GPM6A: variants seen among roughly 807,000 people sequenced by gnomAD.
GPM6A encodes neuronal membrane glycoprotein M6-a.
In GPM6A, 7 loss-of-function variants were observed where a neutral mutation model predicts 32.1. The ratio of observed to expected loss-of-function variants is 0.22; its 90% CI spans 0.12 to 0.41. The LOEUF (loss-of-function observed/expected upper bound fraction) is 0.41, where lower values mean the gene tolerates loss of function less well. Among genes scored for constraint, GPM6A ranks in the 10% least tolerant of loss-of-function variants. The probability of loss-of-function intolerance (pLI) is 1.00; values close to 1 mark genes in which losing one functional copy is unlikely to be tolerated. For missense variants in GPM6A, 235 were observed against 347.2 expected (o/e 0.68, Z 2.57); for synonymous variants, 130 against 123.4 (o/e 1.05, Z -0.35).
chr4:175,939,984 C>T (rs1739355465), intron 1 of GPM6A, among the ~76,000 whole-genome samples: 1 of 151,914 alleles, frequency 6.6e-6, no homozygotes, highest in South Asian at 2.1e-4. Context: ...TCTTAACATG[C>T]CAGTTAAGGA....
intron 1 of GPM6A, among the ~76,000 whole-genome samples, chr4:175,858,669 T>G (rs1736487838): frequency 6.6e-6 from 1 of 152,138 alleles, no homozygotes; most frequent in African/African-American, 2.4e-5. Flanking sequence ...TTTAGGAAAT[T>G]TATTGAAACT....
intron 6 of GPM6A, among the ~76,000 whole-genome samples, chr4:175,637,156 T>C (rs1346830138): frequency 3.0e-5 from 3 of 98,362 alleles, no homozygotes; most frequent in Non-Finnish European, 5.6e-5. Flanking sequence ...ATATTATATG[T>C]CACATATAAT....
At chr4:175,687,655 C>G (rs139052383) in intron 2 of GPM6A, among the ~76,000 whole-genome samples, 183 of 152,166 alleles carry the variant, frequency 1.2e-3, no homozygotes, top group African/African-American at 4.1e-3. Flanking sequence ...TGTATCTCTT[C>G]AAGATCCTGA....
chr4:175,719,202 ACT>A (rs1491516119), intron 1 of GPM6A, among the ~76,000 whole-genome samples: 2 of 117,792 alleles, frequency 1.7e-5, no homozygotes, highest in Non-Finnish European at 3.9e-5. Flanking sequence ...GTATAACACA[ACT>A]TTTTTTTTTT....
intron 1 of GPM6A, among the ~76,000 whole-genome samples, chr4:175,729,439 C>T (rs1174790646): frequency 6.6e-6 from 1 of 152,040 alleles, no homozygotes; most frequent in Admixed American, 6.6e-5. Flanking sequence ...TCACTATTGA[C>T]AAGTGGGAAG....
rs577732904 is a variant in GPM6A at position 175,919,427 on chromosome 4, T to C, written c.-23+82882A>G. 5.3e-5 allele frequency among the ~76,000 whole-genome samples: 8 copies of C among 152,246 alleles called. No individual in the cohort carries two copies. In the East Asian group the frequency reaches 1.5e-3, roughly 29 times the overall value. On this transcript the variant is annotated intron_variant, in intron 1 of 7. Coordinates refer to the GPM6A transcript ENST00000280187. The stretch of plus-strand genomic sequence containing the variant: ...AGAAGCTTAAAGAGCTTTTGACACT[T>C]TTACATAAACATTTCTAACTTAAAA...
At chr4:175,917,145 T>G (rs1374874416) in intron 1 of GPM6A, among the ~76,000 whole-genome samples, 9 of 152,144 alleles carry the variant, frequency 5.9e-5, no homozygotes, top group Non-Finnish European at 1.0e-4. Context: ...GTCACTGGCC[T>G]TGCTACCTTT....
intron 1 of GPM6A, among the ~76,000 whole-genome samples, chr4:175,930,186 C>T (rs1738981149): frequency 1.3e-5 from 2 of 152,180 alleles, no homozygotes; most frequent in African/African-American, 4.8e-5. Flanking sequence ...TCAAACAAGG[C>T]ATCTTCTTTC....
At chr4:175,839,689 T>G (rs2111382708) in intron 1 of GPM6A, among the ~76,000 whole-genome samples, 1 of 152,236 alleles carries the variant, frequency 6.6e-6, no homozygotes, top group South Asian at 2.1e-4. Context: ...ATTTTCACTG[T>G]GGGAATAGAC....
chr4:175,850,302 A>G (rs977170054), intron 1 of GPM6A, among the ~76,000 whole-genome samples: 7 of 152,330 alleles, frequency 4.6e-5, no homozygotes, highest in East Asian at 1.9e-4. Flanking sequence ...AATTAGTGTG[A>G]CAAGGGAGTA....
At chr4:175,646,877 A>G (rs554835510) in intron 4 of GPM6A, among the ~76,000 whole-genome samples, 11 of 152,254 alleles carry the variant, frequency 7.2e-5, no homozygotes, top group African/African-American at 2.6e-4. Context: ...TATTCACTAT[A>G]TGACCCCACC....
At chr4:175,981,983 T>C (rs1030155238) in intron 1 of GPM6A, among the ~76,000 whole-genome samples, 27 of 152,162 alleles carry the variant, frequency 1.8e-4, no homozygotes, top group African/African-American at 2.4e-5. Context: ...TATCTCATTG[T>C]CAGTTTGATT....
chr4:175,666,476 G>GT (rs1185181900), intron 3 of GPM6A, among the ~76,000 whole-genome samples: 1 of 152,100 alleles, frequency 6.6e-6, no homozygotes, highest in East Asian at 1.9e-4. Flanking sequence ...TAGCTCTTGA[G>GT]TTTTTTCTGA....
At chr4:175,869,403 A>G (rs1440601242) in intron 1 of GPM6A, among the ~76,000 whole-genome samples, 1 of 152,184 alleles carries the variant, frequency 6.6e-6, no homozygotes, top group Non-Finnish European at 1.5e-5. Flanking sequence ...AAGGGAGCAC[A>G]TATACCCAGG....
At chr4:175,894,809 AG>A (rs77024944) in intron 1 of GPM6A, among the ~76,000 whole-genome samples, 25,024 of 152,156 alleles carry the variant, frequency 0.16, 2,413 homozygotes, top group East Asian at 0.28. Context: ...TATTATACAA[AG>A]AATACATGAC....
At chr4:175,970,027 T>C (rs190490483) in intron 1 of GPM6A, among the ~76,000 whole-genome samples, 47 of 152,352 alleles carry the variant, frequency 3.1e-4, no homozygotes, top group East Asian at 7.7e-4. Context: ...TCAGATATTA[T>C]TGTTCCTTAA....
At chr4:175,797,415 C>A (rs1734276385) in intron 1 of GPM6A, among the ~76,000 whole-genome samples, 1 of 152,092 alleles carries the variant, frequency 6.6e-6, no homozygotes, top group African/African-American at 2.4e-5. Context: ...TTAATACCAG[C>A]AATGATGTGT....
At chr4:175,893,027 C>T (rs1579603808) in intron 1 of GPM6A, among the ~76,000 whole-genome samples, 2 of 152,338 alleles carry the variant, frequency 1.3e-5, no homozygotes, top group African/African-American at 2.4e-5. Context: ...AAAGCACTAT[C>T]TAAGCTTTTA....
intron 1 of GPM6A, among the ~76,000 whole-genome samples, chr4:175,836,680 A>C (rs1183257448): frequency 6.6e-6 from 1 of 151,196 alleles, no homozygotes; most frequent in East Asian, 1.9e-4. Flanking sequence ...AAATGCCCCC[A>C]AAACAGCATG....
Sources: allele counts gnomAD v4.1 joint callset (sites outside exome capture counted in the v4.1 genomes callset), GRCh38; gene constraint gnomAD v4.1.1; transcripts MANE v1.5; gene names NCBI Gene and HGNC (gene_info 2026-07-23, HGNC 2026-07-21).